Variants in PDE4B observed in about 807,000 individuals in gnomAD.
PDE4B encodes the protein phosphodiesterase 4B, also known as 3',5'-cyclic-AMP phosphodiesterase 4B.
PDE4B carries 20 observed loss-of-function variants against 82.2 expected under a neutral mutation model. The ratio of observed to expected loss-of-function variants is 0.24; its 90% CI spans 0.17 to 0.35. PDE4B has a LOEUF of 0.35. PDE4B is among the 10% of genes least tolerant of loss of function. The pLI, the probability that PDE4B is intolerant of heterozygous loss-of-function variation, is 1.00. For missense variants in PDE4B, 655 were observed against 907.2 expected, an observed-to-expected ratio of 0.72 and a Z score of 3.57; for synonymous variants, 320 against 318.9, an observed-to-expected ratio of 1.00 and a Z score of -0.04.
chr1:65,852,936 A>G (rs756762788), intron 1 of PDE4B, among the ~76,000 whole-genome samples: 7 of 152,086 alleles, frequency 4.6e-5, no homozygotes, highest in Non-Finnish European at 1.0e-4. Flanking sequence ...TTATACTTAC[A>G]GATTGCCTGT....
At chr1:66,135,299 A>G (rs1646034239) in intron 3 of PDE4B, among the ~76,000 whole-genome samples, 1 of 152,222 alleles carries the variant, frequency 6.6e-6, no homozygotes, top group South Asian at 2.1e-4. Flanking sequence ...ATCATTGAAG[A>G]GTTTTATACC....
At chr1:66,053,728 G>A (rs1176892163) in intron 3 of PDE4B, among the ~76,000 whole-genome samples, 6 of 151,898 alleles carry the variant, frequency 4.0e-5, no homozygotes, top group Admixed American at 2.0e-4. Flanking sequence ...GGGTGGTGGC[G>A]GGTGCCTGTA....
chr1:65,867,202 G>A (rs1221605738), intron 1 of PDE4B, among the ~76,000 whole-genome samples: 1 of 152,050 alleles, frequency 6.6e-6, no homozygotes, highest in Non-Finnish European at 1.5e-5. Flanking sequence ...AAGCCCCTTA[G>A]GAACACAAAG....
chr1:66,368,467 G>C (rs374450210), intron 15 of PDE4B, among the ~76,000 whole-genome samples: 14 of 152,306 alleles, frequency 9.2e-5, no homozygotes, highest in East Asian at 5.8e-4. Context: ...TCTACTTTGA[G>C]TAATTCTTTG....
intron 7 of PDE4B, chr1:66,331,818 C>CT: frequency 1.0e-6 from 1 of 985,150 alleles, no homozygotes; most frequent in Non-Finnish European, 1.2e-6. Flanking sequence ...CAGACAGCTT[C>CT]TTTTAGACTG....
intron 4 of PDE4B, among the ~76,000 whole-genome samples, chr1:66,253,716 A>C (rs1439243067): frequency 6.6e-6 from 1 of 152,194 alleles, no homozygotes; most frequent in Non-Finnish European, 1.5e-5. Context: ...ATCTGGTTGC[A>C]CTCTAAGAGA....
At chr1:66,329,367 G>GA (rs959243908) in intron 7 of PDE4B, among the ~76,000 whole-genome samples, 4 of 151,976 alleles carry the variant, frequency 2.6e-5, no homozygotes, top group African/African-American at 9.7e-5. Context: ...AGTATATGAA[G>GA]AAAAAACCAC....
chr1:66,131,592 GATATATATAT>G (rs71058452), intron 3 of PDE4B, among the ~76,000 whole-genome samples: 1,613 of 32,814 alleles, frequency 0.049, 84 homozygotes, highest in African/African-American at 0.088. Flanking sequence ...CTGAATGCCA[GATATATATAT>G]ATATATATAT....
intron 3 of PDE4B, among the ~76,000 whole-genome samples, chr1:65,976,626 A>G (rs969545065): frequency 5.3e-5 from 8 of 151,952 alleles, no homozygotes; most frequent in Non-Finnish European, 2.9e-5. Context: ...ACCTGGTGAG[A>G]GGTGATTAGA....
At position 66,332,422 on chromosome 1, in the gene PDE4B, C is replaced by G. The variant is rs151263754; in HGVS notation, c.635-86C>G. The G allele has an allele frequency of 2.5e-6, 4 of 1,613,986 alleles. No individual in the cohort carries two copies. In the African/African-American group the frequency reaches 5.3e-5, roughly 22 times the overall value. ...AGCACGGGGGCACCTTCAGTAGCACCGGAATCAGCGGTGGTAGCGGTGACT... is the reference window on the plus strand; with the variant it reads ...AGCACGGGGGCACCTTCAGTAGCACGGGAATCAGCGGTGGTAGCGGTGACT... On this transcript the variant is annotated intron_variant, in intron 7 of 16. Transcript: ENST00000341517.
intron 7 of PDE4B, among the ~76,000 whole-genome samples, chr1:66,301,646 A>G (rs1011206893): frequency 6.6e-6 from 1 of 152,096 alleles, no homozygotes; most frequent in Non-Finnish European, 1.5e-5. Context: ...TTGCAAGCAT[A>G]TAAATGTAAT....
chr1:66,110,872 T>C (rs1434389044), intron 3 of PDE4B, among the ~76,000 whole-genome samples: 3 of 152,080 alleles, frequency 2.0e-5, no homozygotes, highest in Non-Finnish European at 4.4e-5. Context: ...TACTGCTGTC[T>C]GGCCTATCTT....
chr1:66,142,498 GT>G (rs1183382302), intron 3 of PDE4B, among the ~76,000 whole-genome samples: 1 of 151,366 alleles, frequency 6.6e-6, no homozygotes, highest in Non-Finnish European at 1.5e-5. Flanking sequence ...ACTAACAGTG[GT>G]TTTTTTTTAA....
intron 1 of PDE4B, among the ~76,000 whole-genome samples, chr1:65,845,848 A>G (rs1039738542): frequency 3.3e-5 from 5 of 152,128 alleles, no homozygotes; most frequent in African/African-American, 1.2e-4. Context: ...TGGGTGTCTC[A>G]TTACAGGAAA....
At chr1:65,984,202 A>G (rs1650835489) in intron 3 of PDE4B, among the ~76,000 whole-genome samples, 1 of 152,220 alleles carries the variant, frequency 6.6e-6, no homozygotes, top group African/African-American at 2.4e-5. Flanking sequence ...CTTCAAGGAC[A>G]TTGTGCTGAA....
intron 13 of PDE4B, 48 bp from the exon 14 acceptor site, chr1:66,367,648 A>G: frequency 6.7e-7 from 1 of 1,492,418 alleles, no homozygotes. Flanking sequence ...GCCAACATTC[A>G]AATCATATCC....
At chr1:66,013,772 T>C (rs938378340) in intron 3 of PDE4B, among the ~76,000 whole-genome samples, 56 of 152,236 alleles carry the variant, frequency 3.7e-4, no homozygotes, top group African/African-American at 1.3e-3. Flanking sequence ...GATGTAAAAA[T>C]ATCTCTTTGA....
At chr1:66,136,521 C>T (rs1004870451) in intron 3 of PDE4B, among the ~76,000 whole-genome samples, 1 of 151,632 alleles carries the variant, frequency 6.6e-6, no homozygotes, top group South Asian at 2.1e-4. Flanking sequence ...ATCAGCCTGG[C>T]CAACATGATG....
chr1:65,894,011 G>A (rs1192979509), intron 1 of PDE4B, among the ~76,000 whole-genome samples: 1 of 151,860 alleles, frequency 6.6e-6, no homozygotes, highest in Non-Finnish European at 1.5e-5. Flanking sequence ...TTGGGAGGGG[G>A]GTACCAGATA....
Sources: allele counts gnomAD v4.1 joint callset (sites outside exome capture counted in the v4.1 genomes callset), GRCh38; gene constraint gnomAD v4.1.1; transcripts MANE v1.5; gene names NCBI Gene and HGNC (gene_info 2026-07-23, HGNC 2026-07-21).